Variants in SAMMSON observed in about 807,000 individuals in gnomAD.
The protein encoded by SAMMSON is survival associated mitochondrial melanoma specific oncogenic non-coding RNA, also known as long intergenic non-protein coding RNA 1212.
chr3:70,039,588 TCTCTTCACA>T, intron 3 of SAMMSON, among the ~76,000 whole-genome samples: 1 of 126,614 alleles, frequency 7.9e-6, no homozygotes. Flanking sequence ...TTAAAACACA[TCTCTTCACA>T]CACACACACA....
At chr3:70,072,646 G>GAAAAAAAAAAAAAAAAAAAAAAAGA (rs35807309) in intron 4 of SAMMSON, 1 of 87,690 alleles carries the variant, frequency 1.1e-5, no homozygotes, top group Non-Finnish European at 2.3e-5. Context: ...AACAGCAAAG[G>GAAAAAAAAAAAAAAAAAAAAAAAGA]AAAAAAAAAA....
intron 7 of SAMMSON, among the ~76,000 whole-genome samples, chr3:70,291,503 G>T (rs1016358880): frequency 1.3e-5 from 2 of 152,050 alleles, no homozygotes; most frequent in African/African-American, 4.8e-5. Flanking sequence ...ACATTGTATT[G>T]TACTGTACTT....
intron 3 of SAMMSON, among the ~76,000 whole-genome samples, chr3:70,027,540 A>T (rs2067045771): frequency 6.6e-6 from 1 of 152,216 alleles, no homozygotes; most frequent in African/African-American, 2.4e-5. Context: ...AATCAATTTA[A>T]TGTCATGAAG....
intron 2 of SAMMSON, among the ~76,000 whole-genome samples, chr3:70,418,222 C>T (rs1233380209): frequency 1.3e-5 from 2 of 152,168 alleles, no homozygotes; most frequent in African/African-American, 4.8e-5. Context: ...AGTTTCCTCC[C>T]ATAAGTAACG....
At chr3:70,035,967 A>T in intron 3 of SAMMSON, among the ~76,000 whole-genome samples, 1 of 152,338 alleles carries the variant, frequency 6.6e-6, no homozygotes, top group South Asian at 2.1e-4. Flanking sequence ...GGAAAACAAT[A>T]TATCAAAAAT....
chr3:70,266,561 A>C (rs1287709990), intron 6 of SAMMSON, among the ~76,000 whole-genome samples: 1 of 151,986 alleles, frequency 6.6e-6, no homozygotes, highest in African/African-American at 2.4e-5. Context: ...AGTAGCTGGG[A>C]CTACAGGCAC....
At chr3:70,271,108 GTA>G (rs1380097310) in intron 6 of SAMMSON, among the ~76,000 whole-genome samples, 1 of 152,102 alleles carries the variant, frequency 6.6e-6, no homozygotes, top group Non-Finnish European at 1.5e-5. Flanking sequence ...CTGGGAAGTT[GTA>G]TATACTAAAT....
intron 9 of SAMMSON, among the ~76,000 whole-genome samples, chr3:70,388,005 A>T (rs1700993708): frequency 6.6e-6 from 1 of 151,984 alleles, no homozygotes; most frequent in Non-Finnish European, 1.5e-5. Flanking sequence ...TTGTTTGTTA[A>T]TCTCTCACCC....
At chr3:70,418,874 G>A (rs1327078222) in intron 2 of SAMMSON, among the ~76,000 whole-genome samples, 1 of 151,542 alleles carries the variant, frequency 6.6e-6, no homozygotes, top group Non-Finnish European at 1.5e-5. Context: ...TTGAATATCA[G>A]AAGGCTCTAA....
At position 70,170,530 on chromosome 3, in the gene SAMMSON, C is replaced by A. The variant is rs562435760; in HGVS notation, n.508-78577C>A. Among the ~76,000 whole-genome samples, 38 of 147,174 alleles carry A rather than the reference C, an allele frequency of 2.6e-4. 1 individual carries two copies. The South Asian group carries it at 7.5e-3, about 29-fold the overall frequency. On this transcript the variant is annotated intron_variant and non_coding_transcript_variant, in intron 4 of 9. Coordinates refer to ENST00000642114, the Ensembl canonical transcript of SAMMSON. Reference sequence around the variant, plus strand: ...ATATGGTATTAAATTGGCAACCAGACTTTCAAGAATAACAATTTTAAACAG... The same window carrying A: ...ATATGGTATTAAATTGGCAACCAGAATTTCAAGAATAACAATTTTAAACAG...
chr3:70,061,043 G>A (rs182367642), intron 3 of SAMMSON, among the ~76,000 whole-genome samples: 10 of 152,200 alleles, frequency 6.6e-5, no homozygotes, highest in Admixed American at 5.2e-4. Context: ...GAAAAAGGAT[G>A]TATGCCAAGA....
At chr3:70,353,196 A>T (rs1702806046) in intron 7 of SAMMSON, among the ~76,000 whole-genome samples, 1 of 152,068 alleles carries the variant, frequency 6.6e-6, no homozygotes, top group African/African-American at 2.4e-5. Flanking sequence ...GATACATTGG[A>T]TCTCATCTGT....
chr3:70,283,073 T>C (rs1702105221), intron 6 of SAMMSON, among the ~76,000 whole-genome samples: 1 of 152,166 alleles, frequency 6.6e-6, no homozygotes, highest in African/African-American at 2.4e-5. Flanking sequence ...CTCAGTATGA[T>C]TCTCTCCACC....
intron 9 of SAMMSON, among the ~76,000 whole-genome samples, chr3:70,379,101 C>T (rs549875430): frequency 2.6e-5 from 4 of 152,014 alleles, no homozygotes; most frequent in Admixed American, 6.6e-5. Context: ...GCAACCTCCA[C>T]CTCCCAGGTT....
At chr3:70,280,585 G>T (rs1033660686) in intron 6 of SAMMSON, among the ~76,000 whole-genome samples, 1 of 152,036 alleles carries the variant, frequency 6.6e-6, no homozygotes, top group Non-Finnish European at 1.5e-5. Flanking sequence ...CTAAAATGAA[G>T]GTCTCAGAAG....
intron 4 of SAMMSON, among the ~76,000 whole-genome samples, chr3:70,111,264 TGA>T (rs1179684179): frequency 1.3e-5 from 2 of 152,098 alleles, no homozygotes; most frequent in Non-Finnish European, 2.9e-5. Context: ...AAGAAACAAA[TGA>T]AACACTTTTT....
chr3:70,121,565 C>T (rs1421522284), intron 4 of SAMMSON, among the ~76,000 whole-genome samples: 1 of 152,160 alleles, frequency 6.6e-6, no homozygotes, highest in African/African-American at 2.4e-5. Context: ...CTTTCTTGGA[C>T]TTTCTTCAGC....
intron 4 of SAMMSON, among the ~76,000 whole-genome samples, chr3:70,226,065 TA>T (rs1330350811): frequency 1.3e-5 from 2 of 151,910 alleles, no homozygotes; most frequent in African/African-American, 2.4e-5. Flanking sequence ...AACATTCACT[TA>T]AAAAAAATAA....
At chr3:70,422,682 T>C (rs1057484954) in intron 2 of SAMMSON, among the ~76,000 whole-genome samples, 2 of 152,026 alleles carry the variant, frequency 1.3e-5, no homozygotes, top group Non-Finnish European at 2.9e-5. Flanking sequence ...TTTAAGAAAG[T>C]TTAAAACTGA....
Sources: allele counts gnomAD v4.1 joint callset (sites outside exome capture counted in the v4.1 genomes callset), GRCh38; gene constraint gnomAD v4.1.1; transcripts MANE v1.5; gene names NCBI Gene and HGNC (gene_info 2026-07-23, HGNC 2026-07-21).